GPC5: variants seen among roughly 807,000 people sequenced by gnomAD.
GPC5 encodes the protein glypican 5.
GPC5 carries 47 observed loss-of-function variants against 53.9 expected under a neutral mutation model. That is an observed-to-expected ratio of 0.87 (90% CI 0.69 to 1.11). The LOEUF (loss-of-function observed/expected upper bound fraction) is 1.11. Ranked by LOEUF, GPC5 falls within the 50% of genes most tolerant of loss-of-function variation. GPC5 has a pLI of 0.00. For missense variants in GPC5, 748 were observed against 713.1 expected, an observed-to-expected ratio of 1.05 and a Z score of -0.56; for synonymous variants, 286 against 263.3, an observed-to-expected ratio of 1.09 and a Z score of -0.84.
At chr13:91,911,120 A>T (rs1244220005) in intron 6 of GPC5, among the ~76,000 whole-genome samples, 1 of 152,204 alleles carries the variant, frequency 6.6e-6, no homozygotes, top group Non-Finnish European at 1.5e-5. Flanking sequence ...AGAGAACAGA[A>T]GGCCATGCAG....
chr13:91,681,336 A>G (rs563343088), intron 2 of GPC5, among the ~76,000 whole-genome samples: 1 of 152,316 alleles, frequency 6.6e-6, no homozygotes, highest in East Asian at 1.9e-4. Context: ...TTTAGAAGCT[A>G]GAGTTACTAG....
At chr13:91,773,453 A>G (rs1009613801) in intron 5 of GPC5, among the ~76,000 whole-genome samples, 3 of 152,278 alleles carry the variant, frequency 2.0e-5, no homozygotes, top group Non-Finnish European at 4.4e-5. Flanking sequence ...TAGCATCTCC[A>G]GAAAAAAAAT....
chr13:92,729,507 T>C (rs939152217), intron 7 of GPC5, among the ~76,000 whole-genome samples: 2 of 151,420 alleles, frequency 1.3e-5, no homozygotes, highest in Non-Finnish European at 3.0e-5. Context: ...TACCTTTTTC[T>C]TTTTCATCTT....
intron 7 of GPC5, among the ~76,000 whole-genome samples, chr13:92,757,259 G>C (rs1296128508): frequency 6.6e-6 from 1 of 152,168 alleles, no homozygotes; most frequent in Non-Finnish European, 1.5e-5. Context: ...AAATGGTGCT[G>C]GGAAAACTGG....
chr13:92,554,728 A>T (rs1323489228), intron 7 of GPC5, among the ~76,000 whole-genome samples: 1 of 151,148 alleles, frequency 6.6e-6, no homozygotes, highest in African/African-American at 2.4e-5. Context: ...ATTATATAAA[A>T]TATTAAAATT....
intron 5 of GPC5, among the ~76,000 whole-genome samples, chr13:91,866,516 G>A (rs1262682744): frequency 6.6e-6 from 1 of 152,110 alleles, no homozygotes; most frequent in East Asian, 1.9e-4. Flanking sequence ...AAAAGAGCCT[G>A]GCATCTCCCT....
chr13:91,924,970 C>T (rs1566345190), intron 6 of GPC5, among the ~76,000 whole-genome samples: 1 of 151,796 alleles, frequency 6.6e-6, no homozygotes, highest in Non-Finnish European at 1.5e-5. Flanking sequence ...CAGGTGCCTG[C>T]CAACACGCCC....
intron 7 of GPC5, among the ~76,000 whole-genome samples, chr13:92,193,848 A>G (rs1402383025): frequency 6.6e-6 from 1 of 152,196 alleles, no homozygotes; most frequent in Non-Finnish European, 1.5e-5. Context: ...CTTTGTTCCC[A>G]TTATACTCCA....
At chr13:92,318,988 A>G (rs1044048773) in intron 7 of GPC5, among the ~76,000 whole-genome samples, 2 of 152,180 alleles carry the variant, frequency 1.3e-5, no homozygotes, top group African/African-American at 4.8e-5. Context: ...TGAATAAAAG[A>G]AAGAAAGACA....
intron 7 of GPC5, among the ~76,000 whole-genome samples, chr13:92,373,796 C>T (rs2043670511): frequency 6.6e-6 from 1 of 152,302 alleles, no homozygotes; most frequent in East Asian, 1.9e-4. Flanking sequence ...TTTCATTTTA[C>T]TCTTTCTAAA....
rs71815584 is a variant in GPC5, at chr13:92,264,878, CTGTGTGTGTGTGTGTG to C, written c.1561+119921_1561+119936del. 4.0e-3 allele frequency among the ~76,000 whole-genome samples: 416 copies of C among 104,740 alleles called. 2 individuals carry two copies. The highest frequency in any genetic ancestry group is 9.5e-3 in the South Asian group (21 of 2,214). The allele number at this position is 104,740 out of a possible 152,430, so 68.7% of individuals were successfully genotyped here. ...GGTCTCTCTCTCTCTCTCTCTCTCT[CTGTGTGTGTGTGTGTG>C]TGTGTGTGTGTGTGTGTGTGTGTGT... On this transcript the variant is annotated intron_variant, in intron 7 of 7. Transcript: ENST00000377067.
intron 7 of GPC5, among the ~76,000 whole-genome samples, chr13:92,388,748 T>A (rs1043410695): frequency 6.6e-6 from 1 of 152,122 alleles, no homozygotes; most frequent in Admixed American, 6.6e-5. Context: ...ATATCTTGAC[T>A]GAGCATTTTA....
At chr13:92,481,875 A>G (rs369489520) in intron 7 of GPC5, among the ~76,000 whole-genome samples, 6 of 151,892 alleles carry the variant, frequency 4.0e-5, no homozygotes, top group African/African-American at 1.5e-4. Flanking sequence ...ACACCTGTAA[A>G]CCCAGCACTT....
intron 7 of GPC5, among the ~76,000 whole-genome samples, chr13:92,369,868 C>T (rs2043636330): frequency 6.6e-6 from 1 of 152,180 alleles, no homozygotes; most frequent in African/African-American, 2.4e-5. Context: ...TTACTATCTA[C>T]TTTTAAATGT....
At chr13:92,337,248 GATCT>G (rs2139243112) in intron 7 of GPC5, among the ~76,000 whole-genome samples, 1 of 149,214 alleles carries the variant, frequency 6.7e-6, no homozygotes, top group East Asian at 1.9e-4. Flanking sequence ...ATATCTTCAA[GATCT>G]ATCTGAGGAA....
intron 7 of GPC5, among the ~76,000 whole-genome samples, chr13:92,268,045 CTG>C (rs2042814378): frequency 6.6e-6 from 1 of 152,036 alleles, no homozygotes; most frequent in East Asian, 1.9e-4. Flanking sequence ...CTTTCAGAAA[CTG>C]TAATCACTCA....
At chr13:92,721,959 T>TA (rs1888519879) in intron 7 of GPC5, among the ~76,000 whole-genome samples, 2 of 152,048 alleles carry the variant, frequency 1.3e-5, no homozygotes, top group Non-Finnish European at 2.9e-5. Flanking sequence ...GATGGGCACC[T>TA]AGCTGAATCT....
At chr13:92,628,008 A>G (rs753210616) in intron 7 of GPC5, among the ~76,000 whole-genome samples, 3 of 152,080 alleles carry the variant, frequency 2.0e-5, no homozygotes, top group African/African-American at 4.8e-5. Context: ...GGTGTTGAAT[A>G]CTTTTCTCAT....
chr13:92,823,038 A>G (rs1877726226), intron 7 of GPC5, among the ~76,000 whole-genome samples: 1 of 152,068 alleles, frequency 6.6e-6, no homozygotes, highest in South Asian at 2.1e-4. Flanking sequence ...TTTTCCACTA[A>G]AAGATTAAAA....
Sources: allele counts gnomAD v4.1 joint callset (sites outside exome capture counted in the v4.1 genomes callset), GRCh38; gene constraint gnomAD v4.1.1; transcripts MANE v1.5; gene names NCBI Gene and HGNC (gene_info 2026-07-23, HGNC 2026-07-21).